RAVER2: variants seen among roughly 807,000 people sequenced by gnomAD.
RAVER2 encodes the protein ribonucleoprotein, PTB binding 2.
Under a neutral mutation model 78.1 loss-of-function variants are expected in RAVER2, and 46 were observed. That is an observed-to-expected ratio of 0.59 (90% CI 0.46 to 0.75). The LOEUF is 0.75. Among genes scored for constraint, RAVER2 ranks in the 30% least tolerant of loss-of-function variants. RAVER2 has a pLI of 0.00. For missense variants in RAVER2, 793 were observed against 837.5 expected, an observed-to-expected ratio of 0.95 and a Z score of 0.66; for synonymous variants, 311 against 313.3, an observed-to-expected ratio of 0.99 and a Z score of 0.08.
Position 64,778,102 on chromosome 1 carries a change from T to C in RAVER2, c.786+10T>C. ...ACCTGTGTTTTGCCAGGTATGTATTTTTAAGAGATTATTGAAATATTTTAA... is the reference window on the plus strand; with the variant it reads ...ACCTGTGTTTTGCCAGGTATGTATTCTTAAGAGATTATTGAAATATTTTAA... On this transcript the variant is annotated intron_variant, in intron 3 of 11. Coordinates refer to ENST00000294428, the Ensembl canonical transcript of RAVER2. 6.4e-7 allele frequency: 1 copy of C among 1,554,248 alleles called. No homozygotes were observed. Among genetic ancestry groups the C allele is most frequent in the South Asian group, 1.2e-5 (1 of 84,106 alleles).
chr1:64,783,750 C>T (rs901682041), intron 4 of RAVER2, among the ~76,000 whole-genome samples: 2 of 152,118 alleles, frequency 1.3e-5, no homozygotes, highest in African/African-American at 4.8e-5. Context: ...TAGGCAATAC[C>T]ATTCAGGACA....
At chr1:64,827,994 C>T (rs1176542819) in intron 11 of RAVER2, among the ~76,000 whole-genome samples, 1 of 152,166 alleles carries the variant, frequency 6.6e-6, no homozygotes, top group Admixed American at 6.5e-5. Flanking sequence ...CCAGCTGCTA[C>T]CATCACAGGC....
chr1:64,787,525 C>T (rs1652814903), intron 4 of RAVER2, among the ~76,000 whole-genome samples: 1 of 152,200 alleles, frequency 6.6e-6, no homozygotes, highest in Non-Finnish European at 1.5e-5. Flanking sequence ...CTGCTCTTTT[C>T]CAAGTTCTGC....
At chr1:64,822,713 G>A (rs555156605) in intron 11 of RAVER2, among the ~76,000 whole-genome samples, 2 of 152,270 alleles carry the variant, frequency 1.3e-5, no homozygotes, top group East Asian at 1.9e-4. Context: ...GAAAACTTGT[G>A]TCTGTACACA....
chr1:64,819,398 A>AC (rs1653829914), intron 11 of RAVER2, among the ~76,000 whole-genome samples: 1 of 152,156 alleles, frequency 6.6e-6, no homozygotes. Flanking sequence ...AGAAAAAAAA[A>AC]GGTTCGGTTA....
At chr1:64,796,776 T>G (rs1653108290) in intron 5 of RAVER2, among the ~76,000 whole-genome samples, 2 of 152,146 alleles carry the variant, frequency 1.3e-5, no homozygotes, top group African/African-American at 4.8e-5. Context: ...GCTTTAATTA[T>G]GTCTTTCTGC....
intron 11 of RAVER2, among the ~76,000 whole-genome samples, chr1:64,823,616 T>C (rs1653936907): frequency 6.6e-6 from 1 of 152,144 alleles, no homozygotes; most frequent in African/African-American, 2.4e-5. Flanking sequence ...TTATTAAATG[T>C]CTATTAAACA....
At chr1:64,754,527 C>G (rs977338910) in intron 1 of RAVER2, among the ~76,000 whole-genome samples, 1 of 152,124 alleles carries the variant, frequency 6.6e-6, no homozygotes, top group Non-Finnish European at 1.5e-5. Flanking sequence ...TGCAATGTAC[C>G]ACTCTGTTAG....
At chr1:64,779,942 A>T (rs1652583178) in intron 3 of RAVER2, among the ~76,000 whole-genome samples, 1 of 151,992 alleles carries the variant, frequency 6.6e-6, no homozygotes, top group African/African-American at 2.4e-5. Context: ...TGTGTTTTTG[A>T]ATGGCTCTCA....
intron 7 of RAVER2, 22 bp from the exon 8 acceptor site, chr1:64,804,969 A>C (rs746007693): frequency 6.2e-6 from 10 of 1,608,134 alleles, no homozygotes; most frequent in Non-Finnish European, 8.5e-6. Flanking sequence ...CATGGGTCTT[A>C]CCTTTTTTTC....
intron 9 of RAVER2, among the ~76,000 whole-genome samples, chr1:64,809,649 T>A (rs1653550636): frequency 6.6e-6 from 1 of 152,172 alleles, no homozygotes; most frequent in Non-Finnish European, 1.5e-5. Context: ...CCATTTTAAG[T>A]GATGTGGCAT....
intron 1 of RAVER2, among the ~76,000 whole-genome samples, chr1:64,748,457 C>T (rs1172496491): frequency 1.3e-5 from 2 of 152,210 alleles, no homozygotes; most frequent in Non-Finnish European, 2.9e-5. Flanking sequence ...CATAAAAAAC[C>T]AGCCTTTGGC....
chr1:64,777,016 C>T (rs1652482405), intron 2 of RAVER2, among the ~76,000 whole-genome samples: 2 of 152,016 alleles, frequency 1.3e-5, no homozygotes, highest in African/African-American at 4.8e-5. Flanking sequence ...TGATATTATT[C>T]ATCAAAAGTG....
chr1:64,810,163 A>C (rs1376648440), intron 9 of RAVER2, among the ~76,000 whole-genome samples: 1 of 152,128 alleles, frequency 6.6e-6, no homozygotes, highest in South Asian at 2.1e-4. Flanking sequence ...CCTTTTTTCC[A>C]CAGCAGCTGC....
At chr1:64,808,023 A>G (rs1475425547) in intron 9 of RAVER2, among the ~76,000 whole-genome samples, 1 of 152,144 alleles carries the variant, frequency 6.6e-6, no homozygotes. Context: ...TCTATCTTAA[A>G]TATATATTTG....
intron 5 of RAVER2, among the ~76,000 whole-genome samples, chr1:64,797,625 T>C (rs369515427): frequency 2.0e-5 from 3 of 152,302 alleles, no homozygotes; most frequent in African/African-American, 7.2e-5. Flanking sequence ...ACATTTAAGA[T>C]TGTTGCATCC....
At chr1:64,753,940 T>C (rs1190577809) in intron 1 of RAVER2, among the ~76,000 whole-genome samples, 2 of 152,210 alleles carry the variant, frequency 1.3e-5, no homozygotes, top group Non-Finnish European at 2.9e-5. Flanking sequence ...CACTTTGTCA[T>C]TGTATCTTTT....
chr1:64,799,139 A>G (rs1410635448), intron 5 of RAVER2, among the ~76,000 whole-genome samples: 1 of 152,254 alleles, frequency 6.6e-6, no homozygotes, highest in East Asian at 1.9e-4. Context: ...TTCAACTTCT[A>G]TGAGCTCAAC....
At chr1:64,823,152 T>C (rs1041325582) in intron 11 of RAVER2, among the ~76,000 whole-genome samples, 12 of 152,198 alleles carry the variant, frequency 7.9e-5, no homozygotes, top group Admixed American at 5.9e-4. Flanking sequence ...TCAACAAATT[T>C]TGGACTCTTT....
Sources: gnomAD v4.1 joint callset for allele counts (sites outside exome capture counted in the v4.1 genomes callset) on GRCh38, gnomAD v4.1.1 for gene constraint, MANE v1.5 for transcripts, NCBI Gene and HGNC (gene_info 2026-07-23, HGNC 2026-07-21) for gene names.